PRDM16: variants seen among roughly 807,000 people sequenced by gnomAD.
PRDM16 encodes the protein PR/SET domain 16, also known as histone-lysine N-methyltransferase PRDM16.
A neutral mutation model predicts 110.6 loss-of-function variants in PRDM16; 23 were observed. The observed-to-expected ratio is 0.21, with a 90% CI of 0.15 to 0.29. PRDM16 has a LOEUF of 0.29. Ranked by LOEUF, PRDM16 falls within the 10% of genes least tolerant of loss-of-function variation. PRDM16 has a pLI of 1.00. For missense variants in PRDM16, 1,615 were observed against 1,794.3 expected, an observed-to-expected ratio of 0.90 and a Z score of 1.81; for synonymous variants, 799 against 781.8, an observed-to-expected ratio of 1.02 and a Z score of -0.37.
At chr1:3,335,631 A>ACACACACACACACACACC (rs1210122391) in intron 3 of PRDM16, among the ~76,000 whole-genome samples, 4 of 151,964 alleles carry the variant, frequency 2.6e-5, no homozygotes, top group African/African-American at 7.3e-5. Flanking sequence ...ACACACACAC[A>ACACACACACACACACACC]CACACACACA....
intron 2 of PRDM16, among the ~76,000 whole-genome samples, chr1:3,216,530 C>T (rs79853522): frequency 0.012 from 1,870 of 152,310 alleles, 81 homozygotes; most frequent in East Asian, 0.12. Context: ...CAGATGCCCC[C>T]GGTGGCTGTC....
At chr1:3,420,620 T>C (rs996870506) in intron 12 of PRDM16, among the ~76,000 whole-genome samples, 3 of 148,970 alleles carry the variant, frequency 2.0e-5, no homozygotes, top group Non-Finnish European at 3.0e-5. Flanking sequence ...AGCCCTGAGG[T>C]AGGGAACGTA....
chr1:3,097,026 G>A (rs533480164), intron 1 of PRDM16, among the ~76,000 whole-genome samples: 2 of 152,326 alleles, frequency 1.3e-5, no homozygotes, highest in South Asian at 4.1e-4. Flanking sequence ...TGCAGCCATG[G>A]GTGCATCGGG....
At chr1:3,101,770 G>A (rs1301150246) in intron 1 of PRDM16, among the ~76,000 whole-genome samples, 2 of 152,218 alleles carry the variant, frequency 1.3e-5, no homozygotes, top group Non-Finnish European at 2.9e-5. Context: ...AAGGAATGCC[G>A]GCCCAGCTCA....
At position 3,213,778 on chromosome 1, in the gene PRDM16, C is replaced by T. The variant is rs968389813; in HGVS notation, c.387+27304C>T. On this transcript the variant is annotated intron_variant, in intron 2 of 16. Transcript: ENST00000270722. This position sits in a 1 kb window ranked among gnomAD's most constrained non-coding sequence, Gnocchi z 5.3. ...CACCACGTCCACCCCAGGTCACCTA[C>T]AAACAAGGTCAGCCAGGGCCGTAGA... 6.6e-6 allele frequency among the ~76,000 whole-genome samples: 1 copy of T among 152,146 alleles called. No homozygotes were observed. Among genetic ancestry groups the T allele is most frequent in the South Asian group, 2.1e-4 (1 of 4,816 alleles).
intron 3 of PRDM16, among the ~76,000 whole-genome samples, chr1:3,322,268 G>A (rs1641775837): frequency 6.6e-6 from 1 of 152,170 alleles, no homozygotes; most frequent in African/African-American, 2.4e-5. Context: ...AAAGCCGAGT[G>A]TATAGCAGTG....
At position 3,370,741 on chromosome 1, in the gene PRDM16, T is replaced by C. The variant is rs1294482921; in HGVS notation, c.439-14411T>C. The stretch of plus-strand genomic sequence containing the variant: ...TTCCCTTGTGTCTCACCATACGAAG[T>C]TGGGGAAGCCATAAGTGTCTGGGCA... On this transcript the variant is annotated intron_variant, in intron 3 of 16. Transcript: ENST00000270722. The surrounding 1 kb of genome is among the most constrained non-coding windows in gnomAD (Gnocchi z 4.8). 6.6e-6 allele frequency among the ~76,000 whole-genome samples: 1 copy of C among 152,168 alleles called. No individual in the cohort carries two copies. The highest frequency in any genetic ancestry group is 2.4e-5 in the African/African-American group (1 of 41,438).
rs190880470 is a variant in PRDM16 at position 3,186,484 on chromosome 1, C to T, written c.387+10C>T. 21 of 1,469,486 alleles carry T rather than the reference C, an allele frequency of 1.4e-5. No homozygotes were observed. The highest frequency in any genetic ancestry group is 2.7e-5 in the South Asian group (2 of 75,076). 91.0% of individuals were successfully genotyped at this position (1,469,486 alleles called of 1,614,324 possible). On this transcript the variant is annotated intron_variant, in intron 2 of 16. Transcript: ENST00000270722. The stretch of plus-strand genomic sequence containing the variant: ...AGACTTCGGATGGGAGGTGAGCGAT[C>T]GCGCCTGAGTATGATTGATCACGGC...
intron 2 of PRDM16, among the ~76,000 whole-genome samples, chr1:3,231,309 C>T (rs75811948): frequency 0.019 from 2,843 of 151,762 alleles, 82 homozygotes; most frequent in African/African-American, 0.065. Flanking sequence ...AGCGCCATCA[C>T]GATTTGTGTG....
intron 3 of PRDM16, among the ~76,000 whole-genome samples, chr1:3,292,583 T>A (rs899395924): frequency 5.3e-5 from 8 of 152,110 alleles, no homozygotes; most frequent in African/African-American, 1.9e-4. Context: ...GAGAGTGGCT[T>A]GTCCAGACGA....
intron 2 of PRDM16, among the ~76,000 whole-genome samples, chr1:3,193,659 C>G (rs920135442): frequency 6.6e-6 from 1 of 152,162 alleles, no homozygotes; most frequent in Admixed American, 6.5e-5. Context: ...CCCACCCAGC[C>G]GGGGAGGAGG....
intron 3 of PRDM16, among the ~76,000 whole-genome samples, chr1:3,259,126 G>A (rs117242822): frequency 0.014 from 2,058 of 152,258 alleles, 69 homozygotes; most frequent in East Asian, 0.073. Flanking sequence ...GGGAGCTGCA[G>A]GGATGAGCAG....
intron 2 of PRDM16, among the ~76,000 whole-genome samples, chr1:3,196,593 G>C (rs995259878): frequency 6.6e-6 from 1 of 151,340 alleles, no homozygotes; most frequent in Non-Finnish European, 1.5e-5. Context: ...GAGGGGTTCA[G>C]CCAGGAACCG....
At chr1:3,113,614 T>C (rs543002581) in intron 1 of PRDM16, among the ~76,000 whole-genome samples, 1 of 152,320 alleles carries the variant, frequency 6.6e-6, no homozygotes, top group South Asian at 2.1e-4. Flanking sequence ...AATAATCCCT[T>C]GTCTTGCTGG....
intron 1 of PRDM16, among the ~76,000 whole-genome samples, chr1:3,171,878 C>G (rs2817127): frequency 0.81 from 123,420 of 151,950 alleles, 50,669 homozygotes; most frequent in Admixed American, 0.87. Flanking sequence ...TTGGATCAGG[C>G]GCCTCCCGAG....
At chr1:3,158,829 A>G (rs1416614969) in intron 1 of PRDM16, among the ~76,000 whole-genome samples, 2 of 140,994 alleles carry the variant, frequency 1.4e-5, no homozygotes, top group Non-Finnish European at 3.0e-5. Context: ...GCTGGAGTAC[A>G]GTGTCCTGAT....
At chr1:3,083,595 C>CGG (rs1553121751) in intron 1 of PRDM16, among the ~76,000 whole-genome samples, 1 of 148,280 alleles carries the variant, frequency 6.7e-6, no homozygotes, top group African/African-American at 2.5e-5. Context: ...CGCCTGCTGT[C>CGG]AGGGGAGGCG....
rs1642556823 is a variant in PRDM16 at position 3,354,587 on chromosome 1, G to A, written c.439-30565G>A. Among the ~76,000 whole-genome samples the A allele has an allele frequency of 2.0e-5, 3 of 152,308 alleles. No individual in the cohort carries two copies. The South Asian group carries it at 6.2e-4, about 32-fold the overall frequency. Reference sequence around the variant, plus strand: ...GGCCATAGGTGGACAAGGTCACAGAGGGGCCATGGGAGCTCAGAACCACCT... The same window carrying A: ...GGCCATAGGTGGACAAGGTCACAGAAGGGCCATGGGAGCTCAGAACCACCT... On this transcript the variant is annotated intron_variant, in intron 3 of 16. Coordinates refer to ENST00000270722, the MANE Select transcript of PRDM16 (RefSeq NM_022114.4).
chr1:3,365,595 G>A (rs986103838), intron 3 of PRDM16, among the ~76,000 whole-genome samples: 1 of 152,218 alleles, frequency 6.6e-6, no homozygotes, highest in African/African-American at 2.4e-5. Flanking sequence ...GACAAGGAGA[G>A]GGAATACTGG....
Sources: gnomAD v4.1 joint callset for allele counts (sites outside exome capture counted in the v4.1 genomes callset) on GRCh38, gnomAD v4.1.1 for gene constraint, Gnocchi (gnomAD v3.1) non-coding constraint, MANE v1.5 for transcripts, NCBI Gene and HGNC (gene_info 2026-07-23, HGNC 2026-07-21) for gene names.